The following RYR2 variants were observed in gnomAD, a reference collection of about 807,000 sequenced individuals.
The protein encoded by RYR2 is cardiac muscle ryanodine receptor-calcium release channel.
A neutral mutation model predicts 601.1 loss-of-function variants in RYR2; 227 were observed. The observed-to-expected ratio is 0.38, with a 90% CI of 0.34 to 0.42. The LOEUF is 0.42. Ranked by LOEUF, RYR2 falls within the 10% of genes least tolerant of loss-of-function variation. The pLI is 1.00. For synonymous variants in RYR2, 2,223 were observed against 2,175.1 expected (o/e 1.02, Z -0.61); for missense variants, 4,646 against 6,156.5 (o/e 0.75, Z 8.21).
chr1:237,168,085 A>C (rs1676919196), intron 1 of RYR2, among the ~76,000 whole-genome samples: 1 of 152,214 alleles, frequency 6.6e-6, no homozygotes, highest in African/African-American at 2.4e-5. Flanking sequence ...TCAGGAGAAC[A>C]GTAATCCTGG....
At chr1:237,491,768 CAT>C (rs765757191) in intron 17 of RYR2, 36 bp from the exon 18 acceptor site, 8 of 930,248 alleles carry the variant, frequency 8.6e-6, no homozygotes, top group African/African-American at 5.0e-5. Flanking sequence ...ACCAATTAAT[CAT>C]GTGTTTTTTT....
intron 1 of RYR2, among the ~76,000 whole-genome samples, chr1:237,115,119 G>C (rs754062189): frequency 1.4e-4 from 22 of 152,114 alleles, no homozygotes; most frequent in African/African-American, 4.8e-4. Flanking sequence ...GCTATCTGTC[G>C]GTACCTTTGC....
At chr1:237,379,708 G>C (rs1415865644) in intron 8 of RYR2, among the ~76,000 whole-genome samples, 1 of 152,094 alleles carries the variant, frequency 6.6e-6, no homozygotes, top group Non-Finnish European at 1.5e-5. Context: ...GCTCACAGAA[G>C]CCTCAACCTC....
chr1:237,462,891 A>G (rs1483828355), intron 16 of RYR2, among the ~76,000 whole-genome samples: 3 of 152,124 alleles, frequency 2.0e-5, no homozygotes, highest in Non-Finnish European at 4.4e-5. Context: ...AACAAGACAC[A>G]TCCTTTAAAA....
At chr1:237,694,088 A>T (rs1687191774) in intron 63 of RYR2, among the ~76,000 whole-genome samples, 2 of 151,994 alleles carry the variant, frequency 1.3e-5, no homozygotes, top group Admixed American at 1.3e-4. Context: ...AGGTCAGGGG[A>T]TCGAGACCAT....
intron 100 of RYR2, among the ~76,000 whole-genome samples, chr1:237,814,598 T>C (rs1404547704): frequency 6.6e-6 from 1 of 151,942 alleles, no homozygotes; most frequent in East Asian, 1.9e-4. Flanking sequence ...CCTGAGAATC[T>C]AATTAAACCA....
intron 48 of RYR2, among the ~76,000 whole-genome samples, chr1:237,643,650 T>A (rs1254485647): frequency 1.3e-5 from 2 of 151,930 alleles, no homozygotes; most frequent in Admixed American, 6.6e-5. Flanking sequence ...CCTTGCTCTG[T>A]AGCCCAGGCT....
intron 3 of RYR2, among the ~76,000 whole-genome samples, chr1:237,337,470 A>G (rs1409535875): frequency 6.6e-6 from 1 of 152,190 alleles, no homozygotes; most frequent in Non-Finnish European, 1.5e-5. Context: ...GTATTATCTC[A>G]TAGTGGTTAA....
chr1:237,286,569 C>T (rs532107682), intron 2 of RYR2, among the ~76,000 whole-genome samples: 4 of 149,526 alleles, frequency 2.7e-5, no homozygotes. Flanking sequence ...TACTTTTTGT[C>T]TCCTTTAACT....
chr1:237,458,032 C>T (rs1438604528), intron 16 of RYR2, among the ~76,000 whole-genome samples: 2 of 152,174 alleles, frequency 1.3e-5, no homozygotes, highest in African/African-American at 4.8e-5. Context: ...TCACAGTTTC[C>T]TGAACTTTCC....
intron 12 of RYR2, among the ~76,000 whole-genome samples, chr1:237,427,021 A>C (rs749079864): frequency 3.3e-5 from 5 of 152,198 alleles, no homozygotes; most frequent in Non-Finnish European, 7.3e-5. Flanking sequence ...AAGATTGAAA[A>C]CTCAAGTAAT....
intron 1 of RYR2, among the ~76,000 whole-genome samples, chr1:237,058,071 C>G (rs1465304398): frequency 6.6e-6 from 1 of 152,132 alleles, no homozygotes; most frequent in African/African-American, 2.4e-5. Context: ...AAGCATGTCT[C>G]ATTAAGACAA....
At chr1:237,424,566 T>C (rs1322891802) in intron 12 of RYR2, among the ~76,000 whole-genome samples, 2 of 152,220 alleles carry the variant, frequency 1.3e-5, no homozygotes, top group African/African-American at 4.8e-5. Flanking sequence ...ATGATTTGGC[T>C]TAGTAGAACT....
intron 2 of RYR2, among the ~76,000 whole-genome samples, chr1:237,303,467 T>G (rs573663728): frequency 2.0e-5 from 3 of 151,842 alleles, no homozygotes; most frequent in Non-Finnish European, 2.9e-5. Context: ...TCCTGGCTAA[T>G]TTTTGTATTT....
intron 78 of RYR2, 124 bp from the exon 79 acceptor site, chr1:237,733,581 C>G: frequency 1.4e-6 from 1 of 692,594 alleles, no homozygotes; most frequent in Non-Finnish European, 2.6e-6. Context: ...GTTTTGTGTT[C>G]ATTTAATTTT....
intron 1 of RYR2, among the ~76,000 whole-genome samples, chr1:237,229,059 C>G (rs1234011535): frequency 1.3e-5 from 2 of 152,116 alleles, no homozygotes; most frequent in African/African-American, 4.8e-5. Flanking sequence ...TGGTGGAGCT[C>G]CTTTCCCGTG....
At chr1:237,359,642 C>G (rs1024623591) in intron 4 of RYR2, among the ~76,000 whole-genome samples, 1 of 152,092 alleles carries the variant, frequency 6.6e-6, no homozygotes, top group Non-Finnish European at 1.5e-5. Context: ...TCTCCTTTCT[C>G]CCTCCCCTCT....
At chr1:237,472,738 AGG>A (rs1346240694) in intron 17 of RYR2, among the ~76,000 whole-genome samples, 1 of 152,092 alleles carries the variant, frequency 6.6e-6, no homozygotes, top group Non-Finnish European at 1.5e-5. Context: ...AGAGGAAAGA[AGG>A]GGCAAAAACC....
chr1:237,128,097 T>C (rs925484692), intron 1 of RYR2, among the ~76,000 whole-genome samples: 1 of 152,124 alleles, frequency 6.6e-6, no homozygotes, highest in Non-Finnish European at 1.5e-5. Context: ...TGGGCACCAT[T>C]GAGCACTGAG....
Sources: gnomAD v4.1 joint callset for allele counts (sites outside exome capture counted in the v4.1 genomes callset) on GRCh38, gnomAD v4.1.1 for gene constraint, MANE v1.5 for transcripts, NCBI Gene and HGNC (gene_info 2026-07-23, HGNC 2026-07-21) for gene names.